SWAP70: variants seen among roughly 807,000 people sequenced by gnomAD.
SWAP70 encodes switch-associated protein 70.
In SWAP70, 34 loss-of-function variants were observed where a neutral mutation model predicts 80.2. That is an observed-to-expected ratio of 0.42 (90% CI 0.32 to 0.56). SWAP70 has a LOEUF of 0.56. Among genes scored for constraint, SWAP70 ranks in the 20% least tolerant of loss-of-function variants. The pLI, the probability that SWAP70 is intolerant of heterozygous loss-of-function variation, is 0.09. For synonymous variants in SWAP70, 239 were observed against 238.5 expected (o/e 1.00, Z -0.02); for missense variants, 578 against 690.7 (o/e 0.84, Z 1.83).
At chr11:9,747,145 C>T (rs550508169) in intron 9 of SWAP70, among the ~76,000 whole-genome samples, 106 of 152,262 alleles carry the variant, frequency 7.0e-4, no homozygotes, top group Middle Eastern at 3.4e-3. Flanking sequence ...GATAGGTATT[C>T]CTGTTATTTT....
chr11:9,701,858 A>G (rs1003273365), intron 2 of SWAP70, among the ~76,000 whole-genome samples: 1 of 152,136 alleles, frequency 6.6e-6, no homozygotes, highest in Non-Finnish European at 1.5e-5. Flanking sequence ...TTCTTCCATG[A>G]GATTTAATGG....
At chr11:9,716,763 AC>A (rs1851071797) in intron 3 of SWAP70, among the ~76,000 whole-genome samples, 1 of 152,174 alleles carries the variant, frequency 6.6e-6, no homozygotes, top group African/African-American at 2.4e-5. Context: ...GTGTTTATCT[AC>A]AGCTTGTGAG....
rs770895694 is a variant in SWAP70 at position 9,749,135 on chromosome 11, A to G, written c.1603A>G (p.Lys535Glu). 2 of 1,613,238 alleles carry G rather than the reference A, an allele frequency of 1.2e-6. No individual in the cohort carries two copies. The highest frequency in any genetic ancestry group is 8.5e-7 in the Non-Finnish European group (1 of 1,179,448). The part of the protein sequence containing the change: ...EMATNKTKSW[K>E]DKVAHHEGLI... Reference sequence around the variant, plus strand: ...GGCAACTAATAAGACCAAGAGCTGGAAGGACAAAGTGGCCCATCATGAAGG... The same window carrying G: ...GGCAACTAATAAGACCAAGAGCTGGGAGGACAAAGTGGCCCATCATGAAGG... Residue 535 changes from lysine to glutamate, a missense_variant, in exon 11 of 12, where the codon AAG becomes GAG. Transcript: ENST00000318950.
At chr11:9,733,996 AG>A (rs1262513316) in intron 7 of SWAP70, among the ~76,000 whole-genome samples, 3 of 152,176 alleles carry the variant, frequency 2.0e-5, no homozygotes, top group Non-Finnish European at 4.4e-5. Flanking sequence ...TATGACCCAA[AG>A]TGTTTCAGAT....
At chr11:9,727,959 A>C (rs1488217924) in intron 4 of SWAP70, 94 bp from the exon 5 acceptor site, 2 of 1,209,268 alleles carry the variant, frequency 1.7e-6, no homozygotes, top group East Asian at 5.5e-5. Flanking sequence ...AGGATCATAT[A>C]TCAAATAATG....
At chr11:9,725,569 A>ATTTTTTTTTT (rs746391271) in intron 4 of SWAP70, among the ~76,000 whole-genome samples, 3 of 26,604 alleles carry the variant, frequency 1.1e-4, no homozygotes, top group African/African-American at 4.7e-4. Flanking sequence ...ATATATATAT[A>ATTTTTTTTTT]TTTTTTTTTT....
chr11:9,738,448 G>A, intron 8 of SWAP70, 128 bp downstream of exon 8: 1 of 515,658 alleles, frequency 1.9e-6, no homozygotes, highest in Non-Finnish European at 3.3e-6. Context: ...GGAATGGGCT[G>A]TAGGGGAAGT....
chr11:9,679,731 C>T (rs907196533), intron 1 of SWAP70, among the ~76,000 whole-genome samples: 2 of 152,008 alleles, frequency 1.3e-5, no homozygotes, highest in South Asian at 2.1e-4. Context: ...TGTGGTGGTG[C>T]GATCTCAGCT....
At chr11:9,714,150 A>T (rs539121160) in intron 3 of SWAP70, among the ~76,000 whole-genome samples, 1 of 147,592 alleles carries the variant, frequency 6.8e-6, no homozygotes, top group South Asian at 2.1e-4. Flanking sequence ...AAAAAATAAT[A>T]GGAGTAAGGC....
intron 2 of SWAP70, among the ~76,000 whole-genome samples, chr11:9,710,202 C>G (rs60466677): frequency 0.33 from 49,622 of 151,664 alleles, 8,358 homozygotes; most frequent in Non-Finnish European, 0.35. Flanking sequence ...TTTCTGATCT[C>G]TAAAATAGGG....
At chr11:9,743,323 A>G (rs1217146951) in intron 9 of SWAP70, among the ~76,000 whole-genome samples, 2 of 151,362 alleles carry the variant, frequency 1.3e-5, no homozygotes, top group Admixed American at 1.3e-4. Context: ...GGTTGATTCC[A>G]AGTCTTTGCT....
At chr11:9,715,872 A>G (rs1851059991) in intron 3 of SWAP70, among the ~76,000 whole-genome samples, 1 of 152,128 alleles carries the variant, frequency 6.6e-6, no homozygotes, top group Non-Finnish European at 1.5e-5. Flanking sequence ...TGTTCTTCCT[A>G]TGAGGGAGAG....
At chr11:9,668,242 C>T (rs572568819) in intron 1 of SWAP70, among the ~76,000 whole-genome samples, 4 of 152,260 alleles carry the variant, frequency 2.6e-5, no homozygotes, top group South Asian at 2.1e-4. Context: ...TTCCAATTGA[C>T]GGCATAAATG....
chr11:9,712,672 T>TG (rs1270748372), intron 2 of SWAP70, among the ~76,000 whole-genome samples: 1 of 151,814 alleles, frequency 6.6e-6, no homozygotes. Context: ...AATGAATGAA[T>TG]GGCAGGATTG....
At chr11:9,742,317 A>G (rs1407271276) in intron 9 of SWAP70, among the ~76,000 whole-genome samples, 6 of 152,032 alleles carry the variant, frequency 3.9e-5, no homozygotes, top group Admixed American at 2.6e-4. Flanking sequence ...TTGGAACCTG[A>G]AATGGACAAA....
chr11:9,706,553 T>G lies in SWAP70; in HGVS notation c.241-6913T>G, dbSNP rs538380830. On this transcript the variant is annotated intron_variant, in intron 2 of 11. Coordinates refer to ENST00000318950, the MANE Select transcript of SWAP70 (RefSeq NM_015055.4). The stretch of plus-strand genomic sequence containing the variant: ...TAATGTTGCCTCAACCTCTTTGCTC[T>G]TCTCTTTTGTCATTTCCCTGCCTCC... Among the ~76,000 whole-genome samples the G allele has an allele frequency of 2.4e-4, 36 of 152,336 alleles. No homozygotes were observed. The South Asian group carries it at 5.0e-3, about 21-fold the overall frequency.
chr11:9,729,583 C>T, intron 6 of SWAP70, 132 bp downstream of exon 6: 5 of 677,318 alleles, frequency 7.4e-6, no homozygotes, highest in Non-Finnish European at 1.3e-5. Flanking sequence ...ACTGCAACCT[C>T]CACCTCCTGG....
chr11:9,721,622 C>A (rs1851139145), intron 3 of SWAP70, among the ~76,000 whole-genome samples: 1 of 151,878 alleles, frequency 6.6e-6, no homozygotes, highest in African/African-American at 2.4e-5. Flanking sequence ...CAGGCATGTA[C>A]CACCACACCT....
At chr11:9,670,154 A>G (rs775506337) in intron 1 of SWAP70, among the ~76,000 whole-genome samples, 1 of 152,086 alleles carries the variant, frequency 6.6e-6, no homozygotes, top group Non-Finnish European at 1.5e-5. Flanking sequence ...AACAGAAACC[A>G]TTGCAATAGC....
Sources: allele counts gnomAD v4.1 joint callset (sites outside exome capture counted in the v4.1 genomes callset), GRCh38; gene constraint gnomAD v4.1.1; transcripts MANE v1.5; gene names NCBI Gene and HGNC (gene_info 2026-07-23, HGNC 2026-07-21).